Variants in ZNF831 observed in about 807,000 individuals in gnomAD.
ZNF831 encodes zinc finger protein 831.
A neutral mutation model predicts 95.8 loss-of-function variants in ZNF831; 59 were observed. The ratio of observed to expected loss-of-function variants is 0.62; its 90% CI spans 0.50 to 0.77. ZNF831 has a LOEUF of 0.77. Among genes scored for constraint, ZNF831 ranks in the 30% least tolerant of loss-of-function variants. The pLI, the probability that ZNF831 is intolerant of heterozygous loss-of-function variation, is 0.00. For synonymous variants in ZNF831, 961 were observed against 925.5 expected (o/e 1.04, Z -0.70); for missense variants, 2,205 against 2,164.0 (o/e 1.02, Z -0.38).
chr20:59,238,655 G>T (rs1228400032), intron 4 of ZNF831, among the ~76,000 whole-genome samples: 1 of 152,226 alleles, frequency 6.6e-6, no homozygotes, highest in East Asian at 1.9e-4. Flanking sequence ...TCGTGAGGGA[G>T]ACAGCATCAA....
At chr20:59,145,841 A>T (rs1402991302) in intron 1 of ZNF831, among the ~76,000 whole-genome samples, 1 of 152,162 alleles carries the variant, frequency 6.6e-6, no homozygotes, top group Non-Finnish European at 1.5e-5. Flanking sequence ...AAAAGAGGGG[A>T]CCAAGGGAGC....
chr20:59,189,198 AT>A (rs1983310184), intron 1 of ZNF831, among the ~76,000 whole-genome samples: 1 of 152,120 alleles, frequency 6.6e-6, no homozygotes, highest in Admixed American at 6.5e-5. Context: ...AAATAAAAAA[AT>A]AAAAAAATAA....
chr20:59,197,013 C>T (rs1984170716), intron 3 of ZNF831, among the ~76,000 whole-genome samples: 1 of 151,860 alleles, frequency 6.6e-6, no homozygotes. Flanking sequence ...TCTCAAACTC[C>T]TGGCCTCAAG....
intron 4 of ZNF831, among the ~76,000 whole-genome samples, chr20:59,207,378 C>T (rs1984972459): frequency 6.6e-6 from 1 of 152,204 alleles, no homozygotes; most frequent in South Asian, 2.1e-4. Flanking sequence ...GCTCTTGGTG[C>T]CTCTAGTTTC....
chr20:59,213,215 C>T (rs758482644), intron 4 of ZNF831, among the ~76,000 whole-genome samples: 23 of 152,326 alleles, frequency 1.5e-4, no homozygotes, highest in South Asian at 4.1e-4. Context: ...TGTATGTCCT[C>T]ATCAATACTT....
At chr20:59,252,851 C>T in intron 4 of ZNF831, 127 bp from the exon 5 acceptor site, 3 of 940,244 alleles carry the variant, frequency 3.2e-6, no homozygotes, top group Non-Finnish European at 4.6e-6. Context: ...AGTTCTTGCA[C>T]ACACCCTGTG....
chr20:59,161,726 A>G (rs1980879937), upstream of ZNF831, among the ~76,000 whole-genome samples: 1 of 152,198 alleles, frequency 6.6e-6, no homozygotes, highest in African/African-American at 2.4e-5. Flanking sequence ...TAAACATACG[A>G]GTGCAGGTGT....
Position 59,222,058 on chromosome 20 carries a change from C to CT in ZNF831, c.4027+15003dup, listed in dbSNP as rs1291666695. 9.8e-5 allele frequency among the ~76,000 whole-genome samples: 15 copies of CT among 152,376 alleles called. No homozygotes were observed. The South Asian group carries it at 3.1e-3, about 32-fold the overall frequency. On this transcript the variant is annotated intron_variant, in intron 4 of 5. Coordinates refer to ENST00000371030, the MANE Select transcript of ZNF831 (RefSeq NM_178457.3). Reference sequence around the variant, plus strand: ...AATCATAGTTAATGTGCGACGCCCCCTCCCTTAACTGCGCTGTTTTCTTTC... The same window carrying CT: ...AATCATAGTTAATGTGCGACGCCCCCTTCCCTTAACTGCGCTGTTTTCTTTC...
intron 4 of ZNF831, among the ~76,000 whole-genome samples, chr20:59,210,820 C>T (rs1399818726): frequency 6.6e-6 from 1 of 152,162 alleles, no homozygotes; most frequent in Non-Finnish European, 1.5e-5. Flanking sequence ...CAAGAGCAAA[C>T]TGGGGGCACC....
At chr20:59,253,869 C>T (rs201120566) in intron 5 of ZNF831, 29 bp from the exon 6 acceptor site, 44 of 1,067,266 alleles carry the variant, frequency 4.1e-5, no homozygotes, top group East Asian at 9.2e-5. Context: ...TCCCCCCCCA[C>T]TTTTTTTTTC....
chr20:59,135,568 A>G (rs955057525), intron 1 of ZNF831, among the ~76,000 whole-genome samples: 1 of 152,154 alleles, frequency 6.6e-6, no homozygotes, highest in Admixed American at 6.5e-5. Context: ...TGTCTCTACT[A>G]AAAATACAAA....
intron 4 of ZNF831, among the ~76,000 whole-genome samples, chr20:59,222,285 G>A (rs1016881611): frequency 3.3e-5 from 5 of 152,144 alleles, no homozygotes; most frequent in Non-Finnish European, 7.4e-5. Flanking sequence ...CAGGGTGCCC[G>A]GGCGGGCGGC....
intron 3 of ZNF831, among the ~76,000 whole-genome samples, chr20:59,204,422 A>G (rs570142697): frequency 4.1e-4 from 63 of 151,974 alleles, no homozygotes; most frequent in African/African-American, 1.4e-3. Flanking sequence ...TGTGGCTGAG[A>G]CTCTTTGTCA....
chr20:59,145,784 C>G (rs940565010), intron 1 of ZNF831, among the ~76,000 whole-genome samples: 3 of 152,102 alleles, frequency 2.0e-5, no homozygotes, highest in African/African-American at 7.2e-5. Context: ...GTCTGGAAGA[C>G]CTGATTTCCC....
intron 5 of ZNF831, 26 bp from the exon 6 acceptor site, chr20:59,253,872 T>TTTTTTTTC: frequency 2.9e-6 from 2 of 697,530 alleles, no homozygotes; most frequent in African/African-American, 2.2e-5. Context: ...CCCCCCACTT[T>TTTTTTTTC]TTTTTTCCTT....
intron 1 of ZNF831, among the ~76,000 whole-genome samples, chr20:59,144,861 G>A (rs1328031360): frequency 6.6e-6 from 1 of 152,174 alleles, no homozygotes; most frequent in African/African-American, 2.4e-5. Context: ...TGTCCTAGAG[G>A]ACATCTCATT....
At chr20:59,142,504 A>C (rs1265376828) in intron 1 of ZNF831, among the ~76,000 whole-genome samples, 1 of 152,218 alleles carries the variant, frequency 6.6e-6, no homozygotes, top group East Asian at 1.9e-4. Flanking sequence ...TGGGATTCGT[A>C]GCCGTGGAAG....
intron 4 of ZNF831, among the ~76,000 whole-genome samples, chr20:59,238,608 GGAA>G (rs1987134817): frequency 1.3e-5 from 2 of 152,308 alleles, no homozygotes; most frequent in South Asian, 2.1e-4. Context: ...GCTAATACAT[GGAA>G]GAAGAAGGCT....
rs1983676926 is a variant in ZNF831 at position 59,192,570 on chromosome 20, G to A, written c.1551G>A (p.Leu517=). ...TCGTCGAGGGCTCCAGGACGTGGCT[G>A]GAGCCCAGGGAGCCCCGGGACCCCT... ...LPFVEGSRTW[L]EPREPRDPWS... is the part of the protein sequence containing the mutation. The change falls in exon 2 of 6, where the codon CTG becomes CTA. Residue 517 remains leucine (L), a synonymous_variant. Coordinates refer to ENST00000371030, the MANE Select transcript of ZNF831 (RefSeq NM_178457.3). The surrounding 1 kb of genome is among the most constrained non-coding windows in gnomAD (Gnocchi z 5.2). 1.3e-6 allele frequency: 2 copies of A among 1,516,732 alleles called. No homozygotes were observed. Among genetic ancestry groups the A allele is most frequent in the Non-Finnish European group, 1.8e-6 (2 of 1,135,842 alleles). The allele number at this position is 1,516,732 out of a possible 1,614,324, so 94.0% of individuals were successfully genotyped here. A position where few individuals can be genotyped will look rare whatever the true frequency, so the allele number is the denominator to read the frequency against.
Sources: gnomAD v4.1 joint callset for allele counts (sites outside exome capture counted in the v4.1 genomes callset) on GRCh38, gnomAD v4.1.1 for gene constraint, Gnocchi (gnomAD v3.1) non-coding constraint, MANE v1.5 for transcripts, NCBI Gene and HGNC (gene_info 2026-07-23, HGNC 2026-07-21) for gene names.